Variants in RHPN2 observed in about 807,000 individuals in gnomAD.
RHPN2 encodes rhophilin-2.
RHPN2 carries 40 observed loss-of-function variants against 79.0 expected under a neutral mutation model. The ratio of observed to expected loss-of-function variants is 0.51; its 90% CI spans 0.39 to 0.66. The LOEUF is 0.66. Among genes scored for constraint, RHPN2 ranks in the 30% least tolerant of loss-of-function variants. The probability of loss-of-function intolerance (pLI) is 0.00; values close to 1 mark genes in which losing one functional copy is unlikely to be tolerated. For missense variants in RHPN2, 686 were observed against 883.5 expected (o/e 0.78, Z 2.83); for synonymous variants, 285 against 363.5 (o/e 0.78, Z 2.46).
chr19:32,982,293 A>C (rs1014800165), intron 14 of RHPN2, among the ~76,000 whole-genome samples: 26 of 152,178 alleles, frequency 1.7e-4, no homozygotes, highest in Admixed American at 1.5e-3. Context: ...CTGTAATCCC[A>C]GCTACTCAGG....
Position 33,011,584 on chromosome 19 carries a change from C to A in RHPN2, c.593+95G>T, listed in dbSNP as rs1971835409. Reference sequence around the variant, plus strand: ...AGATAGGAAAGGGGGCTGAGGTGCACAGGGGCACCCGCAGAGGGGCGTCTG... The same window carrying A: ...AGATAGGAAAGGGGGCTGAGGTGCAAAGGGGCACCCGCAGAGGGGCGTCTG... On this transcript the variant is annotated intron_variant, in intron 6 of 14. Coordinates refer to ENST00000254260, the MANE Select transcript of RHPN2 (RefSeq NM_033103.5). 2.0e-6 allele frequency: 3 copies of A among 1,509,982 alleles called. No homozygotes were observed. The Admixed American group carries it at 5.0e-5, about 25-fold the overall frequency. The allele number at this position is 1,509,982 out of a possible 1,614,324, so 93.5% of individuals were successfully genotyped here. A position where few individuals can be genotyped will look rare whatever the true frequency, so the allele number is the denominator to read the frequency against.
At chr19:33,056,135 G>A (rs991849572) in intron 1 of RHPN2, among the ~76,000 whole-genome samples, 10 of 109,380 alleles carry the variant, frequency 9.1e-5, no homozygotes, top group South Asian at 4.1e-4. Context: ...TTTTTGAGAC[G>A]GAGTTTTTTG....
intron 2 of RHPN2, among the ~76,000 whole-genome samples, chr19:33,036,956 C>G (rs989666369): frequency 2.6e-5 from 4 of 151,934 alleles, no homozygotes; most frequent in African/African-American, 9.7e-5. Flanking sequence ...CCAGTCCTAT[C>G]GACCGACCAC....
At chr19:33,013,868 T>TTTTATTTTATTTTAC (rs565437267) in intron 4 of RHPN2, among the ~76,000 whole-genome samples, 2 of 58,008 alleles carry the variant, frequency 3.4e-5, no homozygotes, top group African/African-American at 3.6e-4. Context: ...TTTTACTTTA[T>TTTTATTTTATTTTAC]TTTATTTTAT....
intron 10 of RHPN2, among the ~76,000 whole-genome samples, chr19:32,998,067 A>G (rs1478941016): frequency 6.6e-6 from 1 of 152,124 alleles, no homozygotes; most frequent in African/African-American, 2.4e-5. Flanking sequence ...GACTGATGTG[A>G]TCTGACCTGC....
chr19:32,980,644 T>G (rs1307316907), intron 14 of RHPN2, among the ~76,000 whole-genome samples: 1 of 152,030 alleles, frequency 6.6e-6, no homozygotes, highest in Non-Finnish European at 1.5e-5. Context: ...GAAACTCAGG[T>G]GACCAATGCT....
At chr19:33,008,249 T>TA in intron 6 of RHPN2, 69 bp from the exon 7 acceptor site, 155 of 1,434,894 alleles carry the variant, frequency 1.1e-4, no homozygotes, top group Non-Finnish European at 1.3e-4. Flanking sequence ...TGGAAAAAAT[T>TA]CTTTTTTTTT....
rs186758339 is a variant in RHPN2 at position 33,009,361 on chromosome 19, C to A, written c.594-1181G>T. 2.6e-5 allele frequency among the ~76,000 whole-genome samples: 4 copies of A among 151,970 alleles called. No individual in the cohort carries two copies. In the East Asian group the frequency reaches 7.7e-4, roughly 29 times the overall value. On this transcript the variant is annotated intron_variant, in intron 6 of 14. Transcript: ENST00000254260. Reference sequence around the variant, plus strand: ...ATCCCAGCACTTTGGGAGGCCAAGGCGGTATGGCTTCTCCTAAATGAAATA... The same window carrying A: ...ATCCCAGCACTTTGGGAGGCCAAGGAGGTATGGCTTCTCCTAAATGAAATA...
At chr19:33,063,849 A>T (rs1423595434) in intron 1 of RHPN2, among the ~76,000 whole-genome samples, 1 of 56,418 alleles carries the variant, frequency 1.8e-5, no homozygotes, top group Non-Finnish European at 2.8e-5. Flanking sequence ...AGCCCCCGCC[A>T]AGTCTCCCGG....
At chr19:32,990,858 A>G (rs1971653248) in intron 13 of RHPN2, 189 bp from the exon 14 acceptor site, 1 of 598,452 alleles carries the variant, frequency 1.7e-6, no homozygotes, top group Non-Finnish European at 3.0e-6. Flanking sequence ...GGTGAAACCC[A>G]TCTCTACTAA....
intron 2 of RHPN2, among the ~76,000 whole-genome samples, chr19:33,039,867 C>A (rs1017618839): frequency 3.3e-5 from 5 of 150,446 alleles, no homozygotes; most frequent in African/African-American, 1.2e-4. Flanking sequence ...ATTCAACAAT[C>A]AGATTAAAAA....
chr19:33,000,009 C>T (rs1332834833), intron 9 of RHPN2, among the ~76,000 whole-genome samples: 1 of 152,154 alleles, frequency 6.6e-6, no homozygotes, highest in Non-Finnish European at 1.5e-5. Flanking sequence ...GTTAGGACTA[C>T]AGACATGCAC....
chr19:33,032,698 G>A (rs962947718), intron 2 of RHPN2, among the ~76,000 whole-genome samples: 1 of 152,170 alleles, frequency 6.6e-6, no homozygotes, highest in African/African-American at 2.4e-5. Context: ...TTGAGAAAAC[G>A]ACTGATCCTG....
intron 1 of RHPN2, among the ~76,000 whole-genome samples, chr19:33,053,135 C>G (rs34475253): frequency 0.12 from 18,497 of 151,170 alleles, 1,404 homozygotes; most frequent in East Asian, 0.3. Context: ...ACACACCTGG[C>G]TAATTTTTGT....
intron 2 of RHPN2, among the ~76,000 whole-genome samples, chr19:33,042,668 A>G (rs926058853): frequency 1.3e-5 from 2 of 152,184 alleles, no homozygotes; most frequent in Non-Finnish European, 2.9e-5. Flanking sequence ...ACAGTGGCTC[A>G]TGTTTGTAAT....
rs1555711351 is a variant in RHPN2 at position 33,005,623 on chromosome 19, A to AAAAG, written c.760+2390_760+2391insCTTT. ...GTTGCTGAGCAAAAAAAAAAAAAAA[A>AAAAG]AAGCCCTGCCCTGCGGAGGGATGGC... On this transcript the variant is annotated intron_variant, in intron 7 of 14. Coordinates refer to ENST00000254260, the MANE Select transcript of RHPN2 (RefSeq NM_033103.5). Among the ~76,000 whole-genome samples, 370 of 143,050 alleles carry AAAAG rather than the reference A, an allele frequency of 2.6e-3. 6 individuals carry two copies. The highest frequency in any genetic ancestry group is 7.8e-3 in the African/African-American group (304 of 38,950). The allele number at this position is 143,050 out of a possible 152,430, so 93.8% of individuals were successfully genotyped here. A position where few individuals can be genotyped will look rare whatever the true frequency, so the allele number is the denominator to read the frequency against.
intron 2 of RHPN2, among the ~76,000 whole-genome samples, chr19:33,038,504 T>G (rs530921400): frequency 6.6e-6 from 1 of 152,218 alleles, no homozygotes; most frequent in East Asian, 1.9e-4. Context: ...ATTTATTTAT[T>G]TTGAGACGGA....
At chr19:33,011,655 C>A (rs1263904060) in intron 6 of RHPN2, 24 bp downstream of exon 6, 1 of 1,613,934 alleles carries the variant, frequency 6.2e-7, no homozygotes, top group South Asian at 1.1e-5. Context: ...ACGTGAAGCG[C>A]CAGCGCAGAC....
intron 1 of RHPN2, among the ~76,000 whole-genome samples, chr19:33,049,221 T>G (rs1456025288): frequency 6.6e-6 from 1 of 152,206 alleles, no homozygotes; most frequent in Non-Finnish European, 1.5e-5. Context: ...TGGACAAGAC[T>G]GTCAGAAAGA....
Sources: gnomAD v4.1 joint callset for allele counts (sites outside exome capture counted in the v4.1 genomes callset) on GRCh38, gnomAD v4.1.1 for gene constraint, MANE v1.5 for transcripts, NCBI Gene and HGNC (gene_info 2026-07-23, HGNC 2026-07-21) for gene names.